Variants in CTSE observed in about 807,000 individuals in gnomAD.
CTSE encodes cathepsin E.
CTSE carries 43 observed loss-of-function variants against 42.8 expected under a neutral mutation model. The ratio of observed to expected loss-of-function variants is 1.01; its 90% CI spans 0.79 to 1.30. The LOEUF (loss-of-function observed/expected upper bound fraction) is 1.30. Among genes scored for constraint, CTSE ranks in the 50% most tolerant of loss-of-function variants. The pLI, the probability that CTSE is intolerant of heterozygous loss-of-function variation, is 0.00. For missense variants in CTSE, 532 were observed against 493.5 expected, an observed-to-expected ratio of 1.08 and a Z score of -0.74; for synonymous variants, 205 against 191.5, an observed-to-expected ratio of 1.07 and a Z score of -0.58.
At chr1:206,011,284 CCTGG>C (rs1276946724) in intron 8 of CTSE, among the ~76,000 whole-genome samples, 2 of 151,996 alleles carry the variant, frequency 1.3e-5, no homozygotes, top group African/African-American at 4.8e-5. Context: ...CCTCCCCTCC[CCTGG>C]CTTCTAGGAA....
Position 206,012,584 on chromosome 1 carries a change from G to T in CTSE, c.851C>A (p.Thr284Asn), listed in dbSNP as rs782480712. 6.2e-7 allele frequency: 1 copy of T among 1,613,986 alleles called. No individual in the cohort carries two copies. The highest frequency in any genetic ancestry group is 2.2e-5 in the East Asian group (1 of 44,880). Residue 284 changes from threonine to asparagine, a missense_variant, in exon 7 of 9, where the codon ACT (threonine) becomes AAT (asparagine). Physicochemically the swap from Thr to Asn is moderately conservative, Grantham distance 65 (BLOSUM62 0). Coordinates refer to ENST00000358184, the MANE Select transcript of CTSE (RefSeq NM_001910.4). ...EGCQAIVDTG[T>N]SLITGPSDKI... is the part of the protein sequence containing the mutation. ...GTCGGAAGGGCCAGTGATGAGGGAAGTCCCTGTGTCCACAATGGCCTGGCA... is the reference window on the plus strand; with the variant it reads ...GTCGGAAGGGCCAGTGATGAGGGAATTCCCTGTGTCCACAATGGCCTGGCA...
intron 8 of CTSE, among the ~76,000 whole-genome samples, chr1:206,011,433 C>T (rs1337247309): frequency 6.6e-6 from 1 of 151,980 alleles, no homozygotes; most frequent in Non-Finnish European, 1.5e-5. Flanking sequence ...GACTGATGAA[C>T]AGGGCTCAGT....
rs781931827 is a variant in CTSE, at chr1:206,022,148, A to C, written c.343+2T>G. 6.3e-7 allele frequency: 1 copy of C among 1,576,682 alleles called. No individual in the cohort carries two copies. The highest frequency in any genetic ancestry group is 1.7e-5 in the Admixed American group (1 of 57,894). The stretch of plus-strand genomic sequence containing the variant: ...TCTGCTGGTGCTCCTGGCCCCACTT[A>C]CTGCAGGCTGGGCTAGTGCAGTACA... On this transcript the variant is annotated splice_donor_variant, in intron 3 of 8. Transcript: ENST00000358184. LOFTEE classifies it high-confidence loss of function.
At position 206,013,814 on chromosome 1, in the gene CTSE, A is replaced by T; in HGVS notation, c.743T>A (p.Val248Asp). The T allele has an allele frequency of 6.2e-7, 1 of 1,613,816 alleles. No homozygotes were observed. Among genetic ancestry groups the T allele is most frequent in the Non-Finnish European group, 8.5e-7 (1 of 1,179,856 alleles). Reference sequence around the variant, plus strand: ...CCAGTAAGCTTGCTTGGTGACTGGGACCCAATTCAGGCTCCCAGAGAAATG... The same window carrying T: ...CCAGTAAGCTTGCTTGGTGACTGGGTCCCAATTCAGGCTCCCAGAGAAATG... The part of the protein sequence containing the change: ...HSHFSGSLNW[V>D]PVTKQAYWQI... The change falls in exon 6 of 9, where the codon GTC (valine) becomes GAC (aspartate). Residue 248 changes from valine (V) to aspartate (D), a missense_variant. Val to Asp is a radical substitution (Grantham distance 152, BLOSUM62 -3). Transcript: ENST00000358184.
Position 206,021,183 on chromosome 1 carries a change from C to T in CTSE, c.344-16G>A. ...CTGTGCGTCTCTGGAAAGAAGTGCACTGCTCTTGCTTATGCCATCGGCTCA... is the reference window on the plus strand; with the variant it reads ...CTGTGCGTCTCTGGAAAGAAGTGCATTGCTCTTGCTTATGCCATCGGCTCA... On this transcript the variant is annotated splice_polypyrimidine_tract_variant and intron_variant, in intron 3 of 8. Coordinates refer to ENST00000358184, the MANE Select transcript of CTSE (RefSeq NM_001910.4). 4 of 1,581,750 alleles carry T rather than the reference C, an allele frequency of 2.5e-6. No individual in the cohort carries two copies. The highest frequency in any genetic ancestry group is 3.5e-6 in the Non-Finnish European group (4 of 1,150,506).
At chr1:206,016,452 C>T (rs937938875) in intron 4 of CTSE, among the ~76,000 whole-genome samples, 2 of 152,012 alleles carry the variant, frequency 1.3e-5, no homozygotes, top group African/African-American at 4.8e-5. Flanking sequence ...TGGTATCTGG[C>T]TTCTGTCACT....
chr1:206,012,561 C>G lies in CTSE; in HGVS notation c.874G>C (p.Asp292His). Reference sequence around the variant, plus strand: ...GCGTTTTGCAGCTGCTTAATCTTGTCGGAAGGGCCAGTGATGAGGGAAGTC... The same window carrying G: ...GCGTTTTGCAGCTGCTTAATCTTGTGGGAAGGGCCAGTGATGAGGGAAGTC... ...TGTSLITGPS[D>H]KIKQLQNAIG... The change falls in exon 7 of 9, where the codon GAC (aspartate) becomes CAC (histidine). Residue 292 changes from aspartate to histidine, a missense_variant. By Grantham distance (81) the Asp-to-His change is moderately conservative (BLOSUM62 -1). Transcript: ENST00000358184. 1.2e-6 allele frequency: 2 copies of G among 1,614,002 alleles called. No homozygotes were observed. The highest frequency in any genetic ancestry group is 1.3e-5 in the African/African-American group (1 of 75,052).
At chr1:206,011,781 G>A (rs1173147101) in intron 8 of CTSE, among the ~76,000 whole-genome samples, 1 of 152,016 alleles carries the variant, frequency 6.6e-6, no homozygotes, top group Non-Finnish European at 1.5e-5. Context: ...GTGTCCAAAA[G>A]GTCTGGGAGT....
At chr1:206,010,481 C>T (rs782302339) in intron 8 of CTSE, 134 bp from the exon 9 acceptor site, 13 of 742,848 alleles carry the variant, frequency 1.8e-5, no homozygotes, top group Admixed American at 5.9e-5. Flanking sequence ...CCATTTTGGT[C>T]GGTGGGTTCT....
chr1:206,010,300 A>C lies in CTSE; in HGVS notation c.1074T>G (p.Leu358=). Residue 358 remains leucine, a synonymous_variant, in exon 9 of 9, where the codon CTT becomes CTG. Transcript: ENST00000358184. ...GGGGCCCAGCTGGAGGGTGGATGTCAAGTCCTTGAAAGCCACTGCTGCAGA... is the reference window on the plus strand; with the variant it reads ...GGGGCCCAGCTGGAGGGTGGATGTCCAGTCCTTGAAAGCCACTGCTGCAGA... The part of the protein sequence containing the change: ...MQFCSSGFQG[L]DIHPPAGPLW... 6.2e-7 allele frequency: 1 copy of C among 1,613,830 alleles called. No homozygotes were observed. The highest frequency in any genetic ancestry group is 8.5e-7 in the Non-Finnish European group (1 of 1,179,838).
intron 5 of CTSE, among the ~76,000 whole-genome samples, chr1:206,014,795 T>C (rs1661216964): frequency 6.6e-6 from 1 of 152,082 alleles, no homozygotes. Flanking sequence ...AAGGAAGTTC[T>C]GCAAGGGGAA....
intron 2 of CTSE, 106 bp from the exon 3 acceptor site, chr1:206,022,373 T>G (rs1661465365): frequency 1.1e-4 from 77 of 716,704 alleles, no homozygotes; most frequent in Non-Finnish European, 1.4e-4. Flanking sequence ...CCTGGGGTAA[T>G]ACAGACTGGA....
chr1:206,016,002 C>T lies in CTSE; in HGVS notation c.591G>A (p.Val197=). ...LGYPSLAVGG[V]TPVFDNMMAQ... is the part of the protein sequence containing the mutation. ...CCATCATGTTGTCAAATACTGGAGT[C>T]ACTCCTCCCACAGCCAAGGAGGGGT... The change falls in exon 5 of 9, where the codon GTG becomes GTA. Residue 197 remains valine (V), a synonymous_variant. Coordinates refer to ENST00000358184, the MANE Select transcript of CTSE (RefSeq NM_001910.4). 1.2e-6 allele frequency: 2 copies of T among 1,613,868 alleles called. No individual in the cohort carries two copies. Among genetic ancestry groups the T allele is most frequent in the Non-Finnish European group, 1.7e-6 (2 of 1,179,886 alleles).
rs144884926 is a variant in CTSE, at chr1:206,011,452, C to G, written c.1026+856G>C. 9.2e-5 allele frequency among the ~76,000 whole-genome samples: 14 copies of G among 152,142 alleles called. No individual in the cohort carries two copies. The East Asian group carries it at 2.7e-3, about 29-fold the overall frequency. On this transcript the variant is annotated intron_variant, in intron 8 of 8. Coordinates refer to ENST00000358184, the MANE Select transcript of CTSE (RefSeq NM_001910.4). ...GATGAACAGGGCTCAGTCTAAATGT[C>G]TCACTGGTCCTCAGTGTGGTGTTCA...
At position 206,021,141 on chromosome 1, in the gene CTSE, G is replaced by T. The variant is rs781796183; in HGVS notation, c.370C>A (p.Gln124Lys). Residue 124 changes from glutamine (Q) to lysine (K), a missense_variant, in exon 4 of 9, where the codon CAG becomes AAG. By Grantham distance (53) the Gln-to-Lys change is moderately conservative. Coordinates refer to ENST00000358184, the MANE Select transcript of CTSE (RefSeq NM_001910.4). ...CKTHSRFQPSQSSTYSQPGQS... is the reference protein window; with the variant it reads ...CKTHSRFQPSKSSTYSQPGQS... The stretch of plus-strand genomic sequence containing the variant: ...CCTGGCTGGCTGTATGTGCTGGACT[G>T]GGAAGGCTGGAACCTGCTGTGCGTC... The T allele has an allele frequency of 1.4e-5, 23 of 1,613,452 alleles. No homozygotes were observed. The highest frequency in any genetic ancestry group is 1.9e-5 in the Non-Finnish European group (22 of 1,179,460).
chr1:206,016,204 T>G, intron 4 of CTSE, 74 bp from the exon 5 acceptor site: 1 of 1,403,840 alleles, frequency 7.1e-7, no homozygotes, highest in Non-Finnish European at 1.0e-6. Context: ...GACTCCTGGA[T>G]TTTCCTCTGT....
At chr1:206,022,027 G>A in intron 3 of CTSE, 123 bp downstream of exon 3, 1 of 611,574 alleles carries the variant, frequency 1.6e-6, no homozygotes, top group Non-Finnish European at 2.8e-6. Flanking sequence ...ATGGAGAGTG[G>A]AAGCTGGTGT....
rs1661521608 is a variant in CTSE at position 206,023,730 on chromosome 1, A to G, written c.62T>C (p.Leu21Pro). The stretch of plus-strand genomic sequence containing the variant: ...TGCGGGGACGTCTTCTCACCTGTGA[A>G]GGGATCCTTGGGCCTCTCCCAGCTC... ...LLELGEAQGSLHRVPLRRHPS... is the reference protein window; with the variant it reads ...LLELGEAQGSPHRVPLRRHPS... The change falls in exon 1 of 9, where the codon CTT (leucine) becomes CCT (proline). Residue 21 changes from leucine (L) to proline (P), a missense_variant. Coordinates refer to ENST00000358184, the MANE Select transcript of CTSE (RefSeq NM_001910.4). The G allele has an allele frequency of 6.2e-7, 1 of 1,613,534 alleles. No individual in the cohort carries two copies. The highest frequency in any genetic ancestry group is 1.3e-5 in the African/African-American group (1 of 75,004).
In CTSE at chr1:206,010,952, A is replaced by G. The variant is rs1248481248; in HGVS notation, c.1027-605T>C. On this transcript the variant is annotated intron_variant, in intron 8 of 8. Coordinates refer to ENST00000358184, the MANE Select transcript of CTSE (RefSeq NM_001910.4). The stretch of plus-strand genomic sequence containing the variant: ...CCAGGCAAGTGTGGTCTTTCCAACA[A>G]TGATTTGAAATGTGAAGTTGCTGAT... 1.1e-4 allele frequency among the ~76,000 whole-genome samples: 17 copies of G among 152,070 alleles called. 1 individual carries two copies. Among genetic ancestry groups the G allele is most frequent in the Admixed American group, 1.3e-4 (2 of 15,280 alleles).
Sources: allele counts gnomAD v4.1 joint callset (sites outside exome capture counted in the v4.1 genomes callset), GRCh38; gene constraint gnomAD v4.1.1; transcripts MANE v1.5; gene names NCBI Gene and HGNC (gene_info 2026-07-23, HGNC 2026-07-21).